DNAAF11: variants seen among roughly 807,000 people sequenced by gnomAD.
The protein encoded by DNAAF11 is leucine rich repeat containing 6.
Under a neutral mutation model 60.8 loss-of-function variants are expected in DNAAF11, and 45 were observed. That is an observed-to-expected ratio of 0.74 (90% confidence interval 0.58 to 0.95). The LOEUF (loss-of-function observed/expected upper bound fraction) is 0.95, where lower values mean the gene tolerates loss of function less well. Ranked by LOEUF, DNAAF11 falls within the 40% of genes least tolerant of loss-of-function variation. The pLI is 0.00. For synonymous variants in DNAAF11, 191 were observed against 183.5 expected (o/e 1.04, Z -0.33); for missense variants, 546 against 546.2 (o/e 1.00, Z 0.00).
chr8:132,664,245 A>AG (rs1586734791), intron 1 of DNAAF11, among the ~76,000 whole-genome samples: 1 of 152,216 alleles, frequency 6.6e-6, no homozygotes, highest in African/African-American at 2.4e-5. Context: ...GAATGTGTTC[A>AG]GGGGACTTCT....
At chr8:132,681,977 G>A in the DNAAF11 span, among the ~76,000 whole-genome samples, 1 of 152,136 alleles carries the variant, frequency 6.6e-6, no homozygotes, top group Middle Eastern at 3.2e-3. Context: ...ATTGAATTTT[G>A]CCAAGATTTA....
upstream of DNAAF11, among the ~76,000 whole-genome samples, chr8:132,679,758 G>A (rs570206310): frequency 1.2e-4 from 19 of 152,194 alleles, no homozygotes; most frequent in Middle Eastern, 3.4e-3. Context: ...GAGTTTCTCC[G>A]CACAAGCTTT....
In DNAAF11 at chr8:132,603,737, G is replaced by C. The variant is rs1321937384; in HGVS notation, c.1140+6429C>G. Reference sequence around the variant, plus strand: ...ACCAGGGCGGTAAATAGAGGGGGATGTTTTTATTTTGTTCTGTCTTTGTTT... The same window carrying C: ...ACCAGGGCGGTAAATAGAGGGGGATCTTTTTATTTTGTTCTGTCTTTGTTT... On this transcript the variant is annotated intron_variant, in intron 10 of 11. Transcript: ENST00000620350. Among the ~76,000 whole-genome samples, 6 of 152,116 alleles carry C rather than the reference G, an allele frequency of 3.9e-5. No individual in the cohort carries two copies. In the East Asian group the frequency reaches 1.2e-3, roughly 29 times the overall value.
chr8:132,609,350 GA>G (rs530973490), intron 10 of DNAAF11, among the ~76,000 whole-genome samples: 4,470 of 115,726 alleles, frequency 0.039, 149 homozygotes, highest in African/African-American at 0.11. Flanking sequence ...CGGGAATCAA[GA>G]AAAAAAAAAA....
chr8:132,692,742 C>T, the DNAAF11 span, among the ~76,000 whole-genome samples: 3 of 152,186 alleles, frequency 2.0e-5, no homozygotes, highest in African/African-American at 7.2e-5. Context: ...ACCTATGTTC[C>T]CAGGTCCATT....
At chr8:132,689,792 T>C in the DNAAF11 span, among the ~76,000 whole-genome samples, 2 of 152,014 alleles carry the variant, frequency 1.3e-5, no homozygotes, top group African/African-American at 4.8e-5. Flanking sequence ...GGCACAGTCA[T>C]GGTTCACTAT....
intron 1 of DNAAF11, among the ~76,000 whole-genome samples, chr8:132,673,142 C>G (rs889557802): frequency 6.6e-6 from 1 of 152,172 alleles, no homozygotes; most frequent in African/African-American, 2.4e-5. Flanking sequence ...TCTTTCAAAT[C>G]TGTCCACTCG....
chr8:132,603,964 A>G (rs1288139854), intron 10 of DNAAF11, among the ~76,000 whole-genome samples: 1 of 152,170 alleles, frequency 6.6e-6, no homozygotes, highest in Non-Finnish European at 1.5e-5. Flanking sequence ...ATTAGGAAGG[A>G]AGGAAGGCCA....
chr8:132,608,065 T>C (rs1586564811), intron 10 of DNAAF11, among the ~76,000 whole-genome samples: 3 of 152,174 alleles, frequency 2.0e-5, no homozygotes, highest in East Asian at 3.8e-4. Context: ...TTCAGAAATA[T>C]ACATTTTTAA....
intron 1 of DNAAF11, among the ~76,000 whole-genome samples, chr8:132,673,998 A>AAGAAGG (rs952715590): frequency 4.6e-5 from 7 of 151,716 alleles, no homozygotes; most frequent in African/African-American, 1.7e-4. Context: ...AAAAGCGAAG[A>AAGAAGG]AGAAGGAGAA....
upstream of DNAAF11, among the ~76,000 whole-genome samples, chr8:132,679,740 A>G (rs910987575): frequency 6.6e-6 from 1 of 152,184 alleles, no homozygotes; most frequent in Non-Finnish European, 1.5e-5. Context: ...AGATGGTTTT[A>G]AAAGTGGGAG....
chr8:132,600,037 C>G (rs1327952319), intron 10 of DNAAF11, among the ~76,000 whole-genome samples: 1 of 152,054 alleles, frequency 6.6e-6, no homozygotes, highest in Non-Finnish European at 1.5e-5. Flanking sequence ...TCATCTCAGC[C>G]CAAAATCTCC....
upstream of DNAAF11, among the ~76,000 whole-genome samples, chr8:132,679,757 C>T (rs1005662272): frequency 5.9e-5 from 9 of 152,118 alleles, no homozygotes; most frequent in Admixed American, 4.6e-4. Flanking sequence ...GGAGTTTCTC[C>T]GCACAAGCTT....
chr8:132,665,922 A>AC (rs1824580118), intron 1 of DNAAF11, among the ~76,000 whole-genome samples: 1 of 139,526 alleles, frequency 7.2e-6, no homozygotes, highest in Non-Finnish European at 1.6e-5. Flanking sequence ...AGCCATAAAA[A>AC]GAAAAAATCA....
chr8:132,576,388 CCTTA>C (rs1814753046), intron 11 of DNAAF11, among the ~76,000 whole-genome samples: 1 of 152,102 alleles, frequency 6.6e-6, no homozygotes, highest in Non-Finnish European at 1.5e-5. Flanking sequence ...TCCTCAATAA[CCTTA>C]CTAAGTAGAT....
chr8:132,608,603 CAG>C (rs1327505425), intron 10 of DNAAF11: 4 of 364,248 alleles, frequency 1.1e-5, no homozygotes, highest in South Asian at 4.3e-5. Flanking sequence ...TAGGAATTAG[CAG>C]AGTCTCTATT....
At chr8:132,608,790 T>C (rs1818360189) in intron 10 of DNAAF11, among the ~76,000 whole-genome samples, 1 of 152,224 alleles carries the variant, frequency 6.6e-6, no homozygotes, top group African/African-American at 2.4e-5. Flanking sequence ...GTTATAGTCA[T>C]CAAGAACAAT....
At chr8:132,595,743 GA>G (rs2131116923) in intron 10 of DNAAF11, among the ~76,000 whole-genome samples, 1 of 152,086 alleles carries the variant, frequency 6.6e-6, no homozygotes, top group African/African-American at 2.4e-5. Context: ...TAATAGGAAA[GA>G]AAAAATATTT....
upstream of DNAAF11, among the ~76,000 whole-genome samples, chr8:132,680,568 A>G (rs980221835): frequency 2.6e-5 from 4 of 151,970 alleles, no homozygotes; most frequent in African/African-American, 4.8e-5. Flanking sequence ...CTTTGCATTT[A>G]TTTTTCTTCA....
Sources: gnomAD v4.1 joint callset for allele counts (sites outside exome capture counted in the v4.1 genomes callset) on GRCh38, gnomAD v4.1.1 for gene constraint, MANE v1.5 for transcripts, NCBI Gene and HGNC (gene_info 2026-07-23, HGNC 2026-07-21) for gene names.